The following DTNB variants were observed in gnomAD, a reference collection of about 807,000 sequenced individuals.
DTNB encodes dystrobrevin beta.
In DTNB, 63 loss-of-function variants were observed where a neutral mutation model predicts 90.7. The ratio of observed to expected loss-of-function variants is 0.69; its 90% CI spans 0.57 to 0.86. DTNB has a LOEUF of 0.86. DTNB is among the 40% of genes least tolerant of loss of function. The probability of loss-of-function intolerance (pLI) is 0.00; values close to 1 mark genes in which losing one functional copy is unlikely to be tolerated. For missense variants in DTNB, 744 were observed against 807.1 expected (o/e 0.92, Z 0.95); for synonymous variants, 277 against 286.7 (o/e 0.97, Z 0.34).
intron 2 of DTNB, among the ~76,000 whole-genome samples, chr2:25,641,050 C>T (rs902420161): frequency 2.6e-5 from 4 of 151,878 alleles, no homozygotes; most frequent in Non-Finnish European, 5.9e-5. Context: ...TCCATACGCT[C>T]CAGCCAAGTT....
intron 9 of DTNB, among the ~76,000 whole-genome samples, chr2:25,530,936 T>C (rs2078040956): frequency 6.6e-6 from 1 of 152,370 alleles, no homozygotes; most frequent in South Asian, 2.1e-4. Flanking sequence ...CTCAACTTTA[T>C]TGTTCTCCTC....
chr2:25,475,860 G>C (rs535521057), intron 10 of DTNB, among the ~76,000 whole-genome samples: 14 of 152,268 alleles, frequency 9.2e-5, no homozygotes, highest in African/African-American at 2.9e-4. Flanking sequence ...CAGCACATCT[G>C]TTTACAGCAC....
chr2:25,494,120 G>C (rs2068217516), intron 9 of DTNB, among the ~76,000 whole-genome samples: 1 of 152,182 alleles, frequency 6.6e-6, no homozygotes, highest in East Asian at 1.9e-4. Context: ...TGCTGAGTGT[G>C]AAATGCATCA....
intron 9 of DTNB, among the ~76,000 whole-genome samples, chr2:25,529,825 A>AGG (rs2077815932): frequency 6.6e-6 from 1 of 152,162 alleles, no homozygotes. Flanking sequence ...ATTAGATTTA[A>AGG]CCCTTGATCA....
intron 10 of DTNB, among the ~76,000 whole-genome samples, chr2:25,460,274 G>C (rs964589362): frequency 6.6e-6 from 1 of 152,088 alleles, no homozygotes; most frequent in African/African-American, 2.4e-5. Flanking sequence ...GGGGATGATA[G>C]AGAACTCAGT....
intron 9 of DTNB, among the ~76,000 whole-genome samples, chr2:25,513,688 A>G (rs1431471795): frequency 6.6e-6 from 1 of 151,534 alleles, no homozygotes; most frequent in Non-Finnish European, 1.5e-5. Flanking sequence ...ACACCACTGC[A>G]CTTCATCCAG....
chr2:25,538,236 A>AAT (rs936745105), intron 8 of DTNB, among the ~76,000 whole-genome samples: 4 of 151,946 alleles, frequency 2.6e-5, no homozygotes, highest in East Asian at 2.0e-4. Flanking sequence ...AACAACAAAA[A>AAT]ATATATATAT....
In DTNB at chr2:25,485,290, G is replaced by T. The variant is rs186855833; in HGVS notation, c.1002-2417C>A. On this transcript the variant is annotated intron_variant, in intron 9 of 20. Coordinates refer to ENST00000406818, the MANE Select transcript of DTNB (RefSeq NM_021907.5). ...CCCAAAATGCTAGGATTACAGGTGT[G>T]AGCCACCATTCCCGGCCACCTGCTA... Among the ~76,000 whole-genome samples, 364 of 152,222 alleles carry T rather than the reference G, an allele frequency of 2.4e-3. 4 individuals are homozygous for T. Among genetic ancestry groups the T allele is most frequent in the African/African-American group, 8.2e-3 (339 of 41,534 alleles).
At position 25,451,609 on chromosome 2, in the gene DTNB, T is replaced by C; in HGVS notation, c.1196A>G (p.Asp399Gly). 2 of 1,604,854 alleles carry C rather than the reference T, an allele frequency of 1.2e-6. No individual in the cohort carries two copies. Among genetic ancestry groups the C allele is most frequent in the South Asian group, 1.1e-5 (1 of 88,770 alleles). ...ARVLDSPSRL[D>G]EEHRLIARYA... ...GCGAGCTATAAGACGGTGTTCCTCA[T>C]CCAGTCGGCTAGGACTGTCCAGAAC... is the stretch of plus-strand genomic sequence containing the variant. The change falls in exon 12 of 21, where the codon GAT (aspartate) becomes GGT (glycine). Residue 399 changes from aspartate (D) to glycine (G), a missense_variant. Coordinates refer to ENST00000406818, the MANE Select transcript of DTNB (RefSeq NM_021907.5).
intron 12 of DTNB, among the ~76,000 whole-genome samples, chr2:25,448,408 G>C (rs867726376): frequency 1.3e-5 from 2 of 152,242 alleles, no homozygotes; most frequent in African/African-American, 4.8e-5. Flanking sequence ...ATTGAAAAAG[G>C]AGAAGGAAAA....
chr2:25,487,479 G>T (rs980047781), intron 9 of DTNB, among the ~76,000 whole-genome samples: 1 of 152,146 alleles, frequency 6.6e-6, no homozygotes, highest in Non-Finnish European at 1.5e-5. Flanking sequence ...TTATTTCAGG[G>T]ACTTGAGCAT....
At position 25,566,690 on chromosome 2, in the gene DTNB, T is replaced by C. The variant is rs548431330; in HGVS notation, c.876+10148A>G. Among the ~76,000 whole-genome samples, 10 of 152,300 alleles carry C rather than the reference T, an allele frequency of 6.6e-5. No individual in the cohort carries two copies. The East Asian group carries it at 1.5e-3, about 24-fold the overall frequency. On this transcript the variant is annotated intron_variant, in intron 8 of 20. Transcript: ENST00000406818. ...TCAATCCCTAATAGTCGATAGTCAA[T>C]TGACCCTAATAGTCAATGCATGGGA...
chr2:25,592,644 T>C (rs1426883423), intron 6 of DTNB, among the ~76,000 whole-genome samples: 2 of 152,096 alleles, frequency 1.3e-5, no homozygotes, highest in Non-Finnish European at 2.9e-5. Context: ...ATTCTCTTCA[T>C]ATCATTAAAA....
At chr2:25,666,788 C>G (rs1181293758) in intron 1 of DTNB, among the ~76,000 whole-genome samples, 1 of 152,040 alleles carries the variant, frequency 6.6e-6, no homozygotes, top group Non-Finnish European at 1.5e-5. Context: ...GCACTTCCTG[C>G]AGGTAGTAAT....
intron 10 of DTNB, among the ~76,000 whole-genome samples, chr2:25,456,519 A>C (rs1001876155): frequency 1.1e-4 from 17 of 152,062 alleles, no homozygotes; most frequent in Non-Finnish European, 1.2e-4. Context: ...AATGGCTGGT[A>C]GGTTTCTTTT....
chr2:25,562,106 T>A (rs1272171143), intron 8 of DTNB, among the ~76,000 whole-genome samples: 1 of 152,212 alleles, frequency 6.6e-6, no homozygotes, highest in African/African-American at 2.4e-5. Context: ...TACATTCTGT[T>A]CATTTGCCTA....
chr2:25,671,614 T>C (rs534039846), intron 1 of DTNB, among the ~76,000 whole-genome samples: 80 of 152,340 alleles, frequency 5.3e-4, no homozygotes, highest in African/African-American at 1.8e-3. Flanking sequence ...TAAGTTGAAA[T>C]TCTCTTGGTT....
chr2:25,577,039 G>A (rs2060792835), intron 7 of DTNB, 35 bp from the exon 8 acceptor site: 2 of 1,558,282 alleles, frequency 1.3e-6, no homozygotes, highest in African/African-American at 1.4e-5. Context: ...AGAAAAAAGG[G>A]CAGGAGGGAA....
In DTNB at chr2:25,496,410, G is replaced by A. The variant is rs7588393; in HGVS notation, c.1002-13537C>T. 5.3e-3 allele frequency among the ~76,000 whole-genome samples: 807 copies of A among 152,230 alleles called. 16 individuals are homozygous for A. The highest frequency in any genetic ancestry group is 0.018 in the African/African-American group (758 of 41,536). The stretch of plus-strand genomic sequence containing the variant: ...GCTTTAACAAGTTACTGCTCATAGA[G>A]GGGTCAACAAAATGCATGATGCAAA... On this transcript the variant is annotated intron_variant, in intron 9 of 20. Coordinates refer to ENST00000406818, the MANE Select transcript of DTNB (RefSeq NM_021907.5).
Sources: gnomAD v4.1 joint callset for allele counts (sites outside exome capture counted in the v4.1 genomes callset) on GRCh38, gnomAD v4.1.1 for gene constraint, MANE v1.5 for transcripts, NCBI Gene and HGNC (gene_info 2026-07-23, HGNC 2026-07-21) for gene names.